The following FTO variants were observed in gnomAD, a reference collection of about 807,000 sequenced individuals.
FTO encodes the protein FTO alpha-ketoglutarate dependent dioxygenase, also known as alpha-ketoglutarate-dependent dioxygenase FTO.
FTO carries 47 observed loss-of-function variants against 63.9 expected under a neutral mutation model. The observed-to-expected ratio is 0.74, with a 90% CI of 0.58 to 0.94. The LOEUF is 0.94. Among genes scored for constraint, FTO ranks in the 40% least tolerant of loss-of-function variants. FTO has a pLI of 0.00. For missense variants in FTO, 562 were observed against 618.1 expected, an observed-to-expected ratio of 0.91 and a Z score of 0.96; for synonymous variants, 207 against 224.4, an observed-to-expected ratio of 0.92 and a Z score of 0.69.
intron 7 of FTO, among the ~76,000 whole-genome samples, chr16:53,918,286 C>T (rs2081929905): frequency 6.6e-6 from 1 of 152,194 alleles, no homozygotes; most frequent in African/African-American, 2.4e-5. Context: ...GCCTACTACA[C>T]ACCTAGGCTA....
intron 8 of FTO, among the ~76,000 whole-genome samples, chr16:54,041,082 C>T (rs2085064626): frequency 6.6e-6 from 1 of 152,154 alleles, no homozygotes; most frequent in African/African-American, 2.4e-5. Flanking sequence ...ACTAAGGGTA[C>T]TATTACTTTA....
At chr16:54,087,062 G>A (rs954363922) in intron 8 of FTO, among the ~76,000 whole-genome samples, 6 of 152,202 alleles carry the variant, frequency 3.9e-5, no homozygotes, top group Admixed American at 6.5e-5. Context: ...TGTCTTCAAG[G>A]CTTGCCAGGA....
chr16:53,722,967 C>A (rs1316830509), intron 1 of FTO, among the ~76,000 whole-genome samples: 1 of 152,116 alleles, frequency 6.6e-6, no homozygotes, highest in African/African-American at 2.4e-5. Context: ...TATGTCTGAA[C>A]CACCTATGTG....
intron 6 of FTO, among the ~76,000 whole-genome samples, chr16:53,880,452 C>A (rs2080791777): frequency 6.6e-6 from 1 of 152,146 alleles, no homozygotes; most frequent in African/African-American, 2.4e-5. Flanking sequence ...ACCAGAGTCT[C>A]CGTATTTTTG....
intron 8 of FTO, among the ~76,000 whole-genome samples, chr16:54,021,308 C>T (rs1341943695): frequency 6.6e-6 from 1 of 152,102 alleles, no homozygotes; most frequent in Non-Finnish European, 1.5e-5. Context: ...TGCAGTAATC[C>T]ATGGATCAAC....
At chr16:53,815,026 C>T (rs1170632644) in intron 2 of FTO, among the ~76,000 whole-genome samples, 1 of 151,714 alleles carries the variant, frequency 6.6e-6, no homozygotes, top group East Asian at 1.9e-4. Flanking sequence ...GGAAAAGCAC[C>T]CGAGGCCAAC....
intron 8 of FTO, among the ~76,000 whole-genome samples, chr16:53,970,590 CAAAAAAAAAAAAAAAAAG>C (rs1378224899): frequency 4.6e-5 from 3 of 65,312 alleles, no homozygotes; most frequent in Non-Finnish European, 6.4e-5. Flanking sequence ...GACTCCATCT[CAAAAAAAAAAAAAAAAAG>C]AAAAGAAAAA....
At position 53,793,056 on chromosome 16, in the gene FTO, A is replaced by G. The variant is rs2077969115; in HGVS notation, c.46-17084A>G. On this transcript the variant is annotated intron_variant, in intron 1 of 8. Transcript: ENST00000471389. ...GGAGCTGGCTCAAGGAAATTATATT[A>G]GTAGTTTGCAAGTGAGTTACAGCTA... Among the ~76,000 whole-genome samples the G allele has an allele frequency of 2.0e-5, 3 of 152,222 alleles. No individual in the cohort carries two copies. The South Asian group carries it at 6.2e-4, about 31-fold the overall frequency.
chr16:53,771,448 A>T (rs1245903581), intron 1 of FTO, among the ~76,000 whole-genome samples: 1 of 151,738 alleles, frequency 6.6e-6, no homozygotes. Context: ...GATCATCGCA[A>T]TTTCTTCCTA....
chr16:53,823,061 C>G (rs560444327), intron 2 of FTO, among the ~76,000 whole-genome samples: 1 of 152,308 alleles, frequency 6.6e-6, no homozygotes, highest in South Asian at 2.1e-4. Flanking sequence ...AGAGACATCT[C>G]TACATGCCAT....
intron 8 of FTO, among the ~76,000 whole-genome samples, chr16:54,052,851 C>T (rs1474278328): frequency 6.6e-6 from 1 of 152,052 alleles, no homozygotes; most frequent in African/African-American, 2.4e-5. Context: ...AGATGCATGC[C>T]ACCACACCCA....
At chr16:53,894,697 A>C (rs1219026712) in intron 7 of FTO, among the ~76,000 whole-genome samples, 1 of 152,050 alleles carries the variant, frequency 6.6e-6, no homozygotes, top group East Asian at 1.9e-4. Flanking sequence ...ACATTAAGTT[A>C]CATCAGCCAA....
At chr16:53,920,243 T>C (rs556437445) in intron 7 of FTO, among the ~76,000 whole-genome samples, 1 of 152,166 alleles carries the variant, frequency 6.6e-6, no homozygotes, top group Non-Finnish European at 1.5e-5. Flanking sequence ...GCTATAAATA[T>C]CCTCATTTTA....
intron 7 of FTO, among the ~76,000 whole-genome samples, chr16:53,907,299 C>T (rs142060483): frequency 7.9e-5 from 12 of 152,308 alleles, no homozygotes; most frequent in Admixed American, 3.9e-4. Flanking sequence ...TTGGCAAGAT[C>T]ATCTAAGACA....
chr16:53,728,025 G>A (rs78228243), intron 1 of FTO, among the ~76,000 whole-genome samples: 1,974 of 152,050 alleles, frequency 0.013, 25 homozygotes, highest in Middle Eastern at 0.051. Flanking sequence ...GAGGATTTGA[G>A]GCTGGAAGTT....
intron 7 of FTO, among the ~76,000 whole-genome samples, chr16:53,915,187 A>G (rs1191637329): frequency 6.6e-6 from 1 of 152,162 alleles, no homozygotes; most frequent in Non-Finnish European, 1.5e-5. Flanking sequence ...TGACCCAACC[A>G]AATTGCTTAA....
chr16:53,751,707 T>G (rs1410041610), intron 1 of FTO, among the ~76,000 whole-genome samples: 2 of 152,168 alleles, frequency 1.3e-5, no homozygotes, highest in Non-Finnish European at 2.9e-5. Context: ...AACAAAGTTC[T>G]AAACTTAGAA....
intron 8 of FTO, among the ~76,000 whole-genome samples, chr16:53,944,247 A>G (rs890705010): frequency 9.9e-5 from 15 of 152,218 alleles, no homozygotes; most frequent in African/African-American, 3.6e-4. Context: ...CATAAATACT[A>G]TGGAAGAGAT....
At chr16:53,867,934 T>C (rs1393536118) in intron 4 of FTO, among the ~76,000 whole-genome samples, 1 of 151,946 alleles carries the variant, frequency 6.6e-6, no homozygotes, top group African/African-American at 2.4e-5. Context: ...TATCATTATG[T>C]ACTACCCCTT....
Sources: allele counts gnomAD v4.1 joint callset (sites outside exome capture counted in the v4.1 genomes callset), GRCh38; gene constraint gnomAD v4.1.1; transcripts MANE v1.5; gene names NCBI Gene and HGNC (gene_info 2026-07-23, HGNC 2026-07-21).